MTRF1: variants seen among roughly 807,000 people sequenced by gnomAD.
MTRF1 encodes the protein mitochondrial translation release factor 1, also known as peptide chain release factor 1, mitochondrial.
A neutral mutation model predicts 62.9 loss-of-function variants in MTRF1; 51 were observed. That is an observed-to-expected ratio of 0.81 (90% CI 0.65 to 1.02). The LOEUF (loss-of-function observed/expected upper bound fraction) is 1.02, where lower values mean the gene tolerates loss of function less well. MTRF1 is among the 50% of genes least tolerant of loss of function. MTRF1 has a pLI of 0.00. For missense variants in MTRF1, 446 were observed against 530.0 expected, an observed-to-expected ratio of 0.84 and a Z score of 1.56; for synonymous variants, 158 against 181.9, an observed-to-expected ratio of 0.87 and a Z score of 1.06.
intron 6 of MTRF1, chr13:41,236,076 C>G (rs1183615077): frequency 1.3e-5 from 2 of 150,166 alleles, no homozygotes; most frequent in Admixed American, 6.7e-5. Context: ...CACACACACA[C>G]AGTTAACAAA....
intron 5 of MTRF1, among the ~76,000 whole-genome samples, chr13:41,250,182 T>C (rs2038886503): frequency 6.6e-6 from 1 of 152,156 alleles, no homozygotes; most frequent in Non-Finnish European, 1.5e-5. Context: ...TCTACTACTC[T>C]CCTTTTCATA....
At chr13:41,248,775 A>C (rs1013878870) in intron 5 of MTRF1, among the ~76,000 whole-genome samples, 17 of 152,240 alleles carry the variant, frequency 1.1e-4, no homozygotes, top group African/African-American at 4.1e-4. Flanking sequence ...AACATTCATC[A>C]GTCGAGGGCT....
the MTRF1 span, among the ~76,000 whole-genome samples, chr13:41,304,053 T>G: frequency 1.3e-5 from 2 of 152,206 alleles, no homozygotes; most frequent in Non-Finnish European, 2.9e-5. Flanking sequence ...TGCTTTGCAC[T>G]GTGGACTTGC....
chr13:41,232,441 A>G (rs2138828653), intron 7 of MTRF1, among the ~76,000 whole-genome samples: 1 of 152,364 alleles, frequency 6.6e-6, no homozygotes, highest in Non-Finnish European at 1.5e-5. Flanking sequence ...TATTGAAGAA[A>G]GTATTTCAGA....
the MTRF1 span, among the ~76,000 whole-genome samples, chr13:41,299,106 T>TGTGC: frequency 6.7e-6 from 1 of 149,226 alleles, no homozygotes; most frequent in Non-Finnish European, 1.5e-5. Flanking sequence ...TCAACCTGGG[T>TGTGC]GTGTGTGTGT....
chr13:41,256,927 G>A (rs1367366660), intron 2 of MTRF1, among the ~76,000 whole-genome samples: 1 of 152,128 alleles, frequency 6.6e-6, no homozygotes, highest in Non-Finnish European at 1.5e-5. Flanking sequence ...ACAGACAATG[G>A]GGTTAGGGGC....
At chr13:41,228,083 C>T (rs2034792827) in intron 7 of MTRF1, among the ~76,000 whole-genome samples, 1 of 152,252 alleles carries the variant, frequency 6.6e-6, no homozygotes, top group Non-Finnish European at 1.5e-5. Flanking sequence ...TTTGCCTAAG[C>T]ACCTGTATTA....
In MTRF1 at chr13:41,223,847, C is replaced by T. The variant is rs182593175; in HGVS notation, c.1126-493G>A. Reference sequence around the variant, plus strand: ...GGTCTCTTATTATATCCTGCCCTTTCCATTTCTCCTCTCACTCATGGACTC... The same window carrying T: ...GGTCTCTTATTATATCCTGCCCTTTTCATTTCTCCTCTCACTCATGGACTC... On this transcript the variant is annotated intron_variant, in intron 8 of 9. Transcript: ENST00000379480. Among the ~76,000 whole-genome samples the T allele has an allele frequency of 2.6e-3, 391 of 152,266 alleles. 2 individuals are homozygous for T. The highest frequency in any genetic ancestry group is 8.2e-3 in the African/African-American group (339 of 41,546).
chr13:41,261,194 C>T (rs1382927445), intron 1 of MTRF1: 8 of 233,164 alleles, frequency 3.4e-5, no homozygotes, highest in African/African-American at 6.8e-5. Context: ...ATTATCCGGG[C>T]GTGGTGGCAG....
chr13:41,291,703 GAACAGATAAGCA>G, the MTRF1 span, among the ~76,000 whole-genome samples: 1 of 152,032 alleles, frequency 6.6e-6, no homozygotes, highest in Admixed American at 6.5e-5. Context: ...TTTAAATGTA[GAACAGATAAGCA>G]AACAGAACAG....
chr13:41,233,213 G>GT (rs967169560), intron 7 of MTRF1, among the ~76,000 whole-genome samples: 1 of 152,088 alleles, frequency 6.6e-6, no homozygotes, highest in Non-Finnish European at 1.5e-5. Context: ...TCATTTGTTT[G>GT]TTTTTTGCAG....
chr13:41,246,255 G>C (rs191769817), intron 5 of MTRF1, among the ~76,000 whole-genome samples: 1 of 152,094 alleles, frequency 6.6e-6, no homozygotes, highest in East Asian at 1.9e-4. Flanking sequence ...TTGTTTTGGG[G>C]TTTTGTGGGT....
At position 41,260,885 on chromosome 13, in the gene MTRF1, C is replaced by G. The variant is rs1482035123; in HGVS notation, c.23G>C (p.Trp8Ser). MNRHLCV[W>S]LFRHPSLNGY... Reference sequence around the variant, plus strand: ...ATTAAGAGATGGATGTCTAAAAAGCCAAACACACAGGTGACGATTCATCTC... The same window carrying G: ...ATTAAGAGATGGATGTCTAAAAAGCGAAACACACAGGTGACGATTCATCTC... The change falls in exon 2 of 10, where the codon TGG becomes TCG. Residue 8 changes from tryptophan (W) to serine (S), a missense_variant. Coordinates refer to ENST00000379480, the MANE Select transcript of MTRF1 (RefSeq NM_004294.4). The G allele has an allele frequency of 6.2e-7, 1 of 1,608,444 alleles. No homozygotes were observed. Among genetic ancestry groups the G allele is most frequent in the East Asian group, 2.2e-5 (1 of 44,728 alleles).
intron 6 of MTRF1, 84 bp downstream of exon 6, chr13:41,240,177 G>T (rs992399263): frequency 1.6e-6 from 2 of 1,245,886 alleles, no homozygotes; most frequent in Non-Finnish European, 1.1e-6. Flanking sequence ...AAAAAAAAAA[G>T]GACAGATTTT....
At chr13:41,255,710 A>G (rs2039621919) in intron 2 of MTRF1, among the ~76,000 whole-genome samples, 1 of 152,070 alleles carries the variant, frequency 6.6e-6, no homozygotes, top group Non-Finnish European at 1.5e-5. Context: ...TAAAATACAT[A>G]TCACGTGTGT....
upstream of MTRF1, among the ~76,000 whole-genome samples, chr13:41,267,037 T>C (rs767981150): frequency 2.6e-5 from 4 of 151,830 alleles, no homozygotes; most frequent in African/African-American, 7.2e-5. Context: ...CTGTGTCAGA[T>C]TTTTTTTCTC....
chr13:41,261,894 A>AT lies in MTRF1; in HGVS notation c.-8-980dup, dbSNP rs540637889. On this transcript the variant is annotated intron_variant, in intron 1 of 9. Coordinates refer to ENST00000379480, the MANE Select transcript of MTRF1 (RefSeq NM_004294.4). ...GGCTGGTGAAAAGCTCTACAGTTAT[A>AT]TTAAATGGTGACAATTATATTAAGC... is the stretch of plus-strand genomic sequence containing the variant. 18 of 443,366 alleles carry AT rather than the reference A, an allele frequency of 4.1e-5. No individual in the cohort carries two copies. In the South Asian group the frequency reaches 1.6e-3, roughly 41 times the overall value. The allele number at this position is 443,366 out of a possible 1,614,324, so 27.5% of individuals were successfully genotyped here. A position where few individuals can be genotyped will look rare whatever the true frequency, so the allele number is the denominator to read the frequency against.
the MTRF1 span, among the ~76,000 whole-genome samples, chr13:41,306,530 G>T: frequency 4.6e-5 from 7 of 152,212 alleles, no homozygotes; most frequent in African/African-American, 1.7e-4. Context: ...TGTGGGAATA[G>T]CAGCAAACTA....
At chr13:41,297,276 C>T in the MTRF1 span, among the ~76,000 whole-genome samples, 6 of 152,310 alleles carry the variant, frequency 3.9e-5, no homozygotes, top group Admixed American at 2.6e-4. Flanking sequence ...TTCCCCAAGG[C>T]TAGTGGGCGA....
Sources: allele counts gnomAD v4.1 joint callset (sites outside exome capture counted in the v4.1 genomes callset), GRCh38; gene constraint gnomAD v4.1.1; transcripts MANE v1.5; gene names NCBI Gene and HGNC (gene_info 2026-07-23, HGNC 2026-07-21).